IFT172: variants seen among roughly 807,000 people sequenced by gnomAD.
The protein encoded by IFT172 is intraflagellar transport 172, also known as intraflagellar transport protein 172 homolog.
A neutral mutation model predicts 248.9 loss-of-function variants in IFT172; 164 were observed. The observed-to-expected ratio is 0.66, with a 90% CI of 0.58 to 0.75. The LOEUF is 0.75. Among genes scored for constraint, IFT172 ranks in the 30% least tolerant of loss-of-function variants. IFT172 has a pLI of 0.00. For synonymous variants in IFT172, 729 were observed against 791.6 expected (o/e 0.92, Z 1.33); for missense variants, 1,950 against 2,192.4 (o/e 0.89, Z 2.21).
chr2:27,446,602 C>G, intron 42 of IFT172: 1 of 363,798 alleles, frequency 2.7e-6, no homozygotes, highest in South Asian at 4.0e-5. Context: ...CAACCTCTGC[C>G]TCCCGGATTC....
rs148906663 is a variant in IFT172, at chr2:27,480,074, G to A, written c.861C>T (p.Tyr287=). 4.0e-5 allele frequency: 64 copies of A among 1,613,888 alleles called. No homozygotes were observed. The highest frequency in any genetic ancestry group is 5.4e-5 in the Non-Finnish European group (64 of 1,179,898). Reference sequence around the variant, plus strand: ...GCTTCCAGGCCAAGGCAGTGATGGTGTATAAATTGGTAATCTCCTTGGGCT... The same window carrying A: ...GCTTCCAGGCCAAGGCAGTGATGGTATATAAATTGGTAATCTCCTTGGGCT... ...EAKPKEITNL[Y]TITALAWKRD... Residue 287 remains tyrosine (Y), a synonymous_variant, in exon 9 of 48, where the codon TAC becomes TAT. Coordinates refer to ENST00000260570, the MANE Select transcript of IFT172 (RefSeq NM_015662.3).
In IFT172 at chr2:27,449,031, T is replaced by A; in HGVS notation, c.4312A>T (p.Asn1438Tyr). 1 of 1,546,504 alleles carries A rather than the reference T, an allele frequency of 6.5e-7. No individual in the cohort carries two copies. The highest frequency in any genetic ancestry group is 8.9e-7 in the Non-Finnish European group (1 of 1,118,536). ...DKCIETATKQ[N>Y]YKILHKYVAL... ...ACATACTTGTGCAGAATCTTGTAGT[T>A]CTGTACAGGGGTGGAGGAAAAGCAT... The change falls in exon 40 of 48, where the codon AAC becomes TAC. Residue 1438 changes from asparagine (N) to tyrosine (Y), a missense_variant and splice_region_variant. Physicochemically the swap from Asn to Tyr is moderately radical, Grantham distance 143. Around this residue, in one of 3 missense-constraint regions of IFT172, gnomAD observed 620 missense variants for 699.0 expected, o/e 0.89. Coordinates refer to ENST00000260570, the MANE Select transcript of IFT172 (RefSeq NM_015662.3).
intron 1 of IFT172, among the ~76,000 whole-genome samples, chr2:27,487,289 G>A (rs762674598): frequency 2.0e-5 from 3 of 152,084 alleles, no homozygotes; most frequent in Admixed American, 6.5e-5. Context: ...CACCCTCTGT[G>A]AAGCCTTCCT....
At chr2:27,444,556 T>G in intron 47 of IFT172, 35 bp from the exon 48 acceptor site, 2 of 1,538,198 alleles carry the variant, frequency 1.3e-6, no homozygotes, top group Non-Finnish European at 1.8e-6. Flanking sequence ...GAGGAACTTG[T>G]TAATGCTGGA....
intron 18 of IFT172, chr2:27,465,137 G>T: frequency 2.6e-6 from 1 of 389,270 alleles, no homozygotes; most frequent in Non-Finnish European, 4.7e-6. Context: ...GGCCAGGCTG[G>T]TCTTGAACTC....
At chr2:27,483,729 G>A in intron 5 of IFT172, 70 bp from the exon 6 acceptor site, 1 of 1,548,360 alleles carries the variant, frequency 6.5e-7, no homozygotes, top group East Asian at 2.2e-5. Context: ...AAGAAAAAAA[G>A]GAAAAACTGT....
At chr2:27,484,661 A>G (rs554564128) in intron 3 of IFT172, among the ~76,000 whole-genome samples, 37 of 152,280 alleles carry the variant, frequency 2.4e-4, no homozygotes, top group African/African-American at 8.4e-4. Flanking sequence ...GAAGAGAAGA[A>G]AGAGCAGATT....
intron 8 of IFT172, 43 bp downstream of exon 8, chr2:27,481,003 G>A (rs150786471): frequency 9.8e-5 from 146 of 1,492,184 alleles, no homozygotes; most frequent in Non-Finnish European, 1.3e-4. Flanking sequence ...GAGAGTGTTC[G>A]CAGGGAAAGT....
intron 8 of IFT172, 92 bp from the exon 9 acceptor site, chr2:27,480,241 T>A (rs1055658377): frequency 6.8e-7 from 1 of 1,460,306 alleles, no homozygotes; most frequent in Non-Finnish European, 9.0e-7. Context: ...TCTTGCTATA[T>A]CAGAAAAGAA....
rs1666670457 is a variant in IFT172, at chr2:27,461,536, C to A, written c.2194-19G>T. The A allele has an allele frequency of 6.2e-7, 1 of 1,610,848 alleles. No homozygotes were observed. Among genetic ancestry groups the A allele is most frequent in the Non-Finnish European group, 8.5e-7 (1 of 1,177,292 alleles). ...GGTGCCCCTGGACATGCACAGAGGA[C>A]AACTAGGAGTCACATCCCCCTTCCT... On this transcript the variant is annotated intron_variant, in intron 21 of 47. Transcript: ENST00000260570.
Position 27,454,108 on chromosome 2 carries a change from G to A in IFT172, c.3585C>T (p.Asp1195=), listed in dbSNP as rs1665955498. ...CAAGCACCTCGGCGACACTGTCAGG[G>A]TCGTGAGCCTCAGCCACACGCTGAG... ...EAAQRVAEAH[D]PDSVAEVLVG... The change falls in exon 33 of 48, where the codon GAC becomes GAT. Residue 1195 remains aspartate, a synonymous_variant. Transcript: ENST00000260570. This position sits in a 1 kb window ranked among gnomAD's most constrained non-coding sequence, Gnocchi z 4.2. 5 of 1,613,862 alleles carry A rather than the reference G, an allele frequency of 3.1e-6. No individual in the cohort carries two copies. Among genetic ancestry groups the A allele is most frequent in the Admixed American group, 3.3e-5 (2 of 59,970 alleles).
Position 27,461,532 on chromosome 2 carries a change from A to T in IFT172, c.2194-15T>A. ...GCTGGGTGCCCCTGGACATGCACAG[A>T]GGACAACTAGGAGTCACATCCCCCT... On this transcript the variant is annotated splice_polypyrimidine_tract_variant and intron_variant, in intron 21 of 47. Coordinates refer to ENST00000260570, the MANE Select transcript of IFT172 (RefSeq NM_015662.3). 1 of 1,612,004 alleles carries T rather than the reference A, an allele frequency of 6.2e-7. No homozygotes were observed. The highest frequency in any genetic ancestry group is 2.2e-5 in the East Asian group (1 of 44,836).
intron 42 of IFT172, among the ~76,000 whole-genome samples, chr2:27,446,857 G>T (rs532535913): frequency 6.6e-6 from 1 of 151,288 alleles, no homozygotes; most frequent in East Asian, 1.9e-4. Context: ...CCGCCACCGT[G>T]CCTGGCTAAT....
At chr2:27,477,453 T>C in intron 12 of IFT172, 106 bp downstream of exon 12, 2 of 1,209,024 alleles carry the variant, frequency 1.7e-6, no homozygotes, top group South Asian at 2.4e-5. Flanking sequence ...ATCCTCCCTG[T>C]TTCTTTATCT....
intron 14 of IFT172, among the ~76,000 whole-genome samples, chr2:27,473,951 G>A (rs1213477341): frequency 6.6e-6 from 1 of 151,912 alleles, no homozygotes; most frequent in African/African-American, 2.4e-5. Flanking sequence ...GGGATTATAG[G>A]CACCCGCCAC....
intron 24 of IFT172, 52 bp downstream of exon 24, chr2:27,459,657 A>G (rs1184777232): frequency 1.2e-6 from 2 of 1,607,512 alleles, no homozygotes; most frequent in Non-Finnish European, 1.7e-6. Context: ...TACTTGCTCC[A>G]CTGCCCCTCA....
intron 23 of IFT172, 122 bp downstream of exon 23, chr2:27,460,893 C>G (rs1261071844): frequency 9.9e-7 from 1 of 1,011,008 alleles, no homozygotes; most frequent in Non-Finnish European, 1.5e-6. Context: ...CCAAATCTCT[C>G]GTCCCACCTT....
At chr2:27,481,456 C>T (rs984089680) in intron 7 of IFT172, among the ~76,000 whole-genome samples, 196 bp from the exon 8 acceptor site, 9 of 145,042 alleles carry the variant, frequency 6.2e-5, no homozygotes, top group African/African-American at 1.8e-4. Flanking sequence ...CACACACATA[C>T]ACACACACAC....
intron 1 of IFT172, among the ~76,000 whole-genome samples, chr2:27,485,768 C>T (rs763676662): frequency 4.6e-5 from 7 of 152,186 alleles, no homozygotes; most frequent in Non-Finnish European, 8.8e-5. Context: ...ATCCCTGCAA[C>T]GGCCTCCTCG....
Sources: allele counts gnomAD v4.1 joint callset (sites outside exome capture counted in the v4.1 genomes callset), GRCh38; gene constraint gnomAD v4.1.1; regional missense constraint gnomAD v4.1.1; non-coding constraint Gnocchi (gnomAD v3.1); transcripts MANE v1.5; gene names NCBI Gene and HGNC (gene_info 2026-07-23, HGNC 2026-07-21).